Variants in KIAA1549 observed in about 807,000 individuals in gnomAD.
KIAA1549 encodes the protein UPF0606 protein KIAA1549.
Under a neutral mutation model 156.4 loss-of-function variants are expected in KIAA1549, and 70 were observed. The observed-to-expected ratio is 0.45, with a 90% CI of 0.37 to 0.55. The LOEUF (loss-of-function observed/expected upper bound fraction) is 0.55, where lower values mean the gene tolerates loss of function less well. Among genes scored for constraint, KIAA1549 ranks in the 20% least tolerant of loss-of-function variants. The pLI is 0.00. For synonymous variants in KIAA1549, 1,103 were observed against 1,066.4 expected, an observed-to-expected ratio of 1.03 and a Z score of -0.67; for missense variants, 2,428 against 2,540.9, an observed-to-expected ratio of 0.96 and a Z score of 0.96.
chr7:138,892,696 TG>T (rs1811576506), intron 10 of KIAA1549, among the ~76,000 whole-genome samples: 1 of 152,240 alleles, frequency 6.6e-6, no homozygotes, highest in Admixed American at 6.5e-5. Context: ...TTAATTCATA[TG>T]AAAAGACAAA....
In KIAA1549 at chr7:138,852,256, T is replaced by C. The variant is rs199604464; in HGVS notation, c.5261A>G (p.Tyr1754Cys). 259 of 1,608,946 alleles carry C rather than the reference T, an allele frequency of 1.6e-4. 2 individuals are homozygous for C. The African/African-American group carries it at 3.1e-3, about 20-fold the overall frequency. Residue 1754 changes from tyrosine (Y) to cysteine (C), a missense_variant, in exon 17 of 20, where the codon TAT becomes TGT. Tyr to Cys is a radical substitution (Grantham distance 194). Around this residue, in one of 5 missense-constraint regions of KIAA1549, gnomAD observed 363 missense variants for 354.0 expected, o/e 1.03. Coordinates refer to ENST00000422774, the MANE Select transcript of KIAA1549 (RefSeq NM_001164665.2). ...ANNPCSRYEDYGMTPPTGPLP... is the reference protein window; with the variant it reads ...ANNPCSRYEDCGMTPPTGPLP... ...TGGACCCGTCGGGGGAGTCATTCCA[T>C]AGTCTTCGTATCTCTGGAAGACATA... is the stretch of plus-strand genomic sequence containing the variant.
rs771763355 is a variant in KIAA1549 at position 138,917,034 on chromosome 7, G to A, written c.2592C>T (p.Thr864=). 23 of 1,606,416 alleles carry A rather than the reference G, an allele frequency of 1.4e-5. No homozygotes were observed. Among genetic ancestry groups the A allele is most frequent in the African/African-American group, 8.0e-5 (6 of 74,786 alleles). The change falls in exon 2 of 20, where the codon ACC becomes ACT. Residue 864 remains threonine (T), a synonymous_variant. Transcript: ENST00000422774. ...ATPFPLPTEL[T]VVGPSLTPTE... is the part of the protein sequence containing the mutation. ...TGGGTGTGAGTGATGGGCCCACGACGGTCAGCTCTGTGGGCAGAGGGAAGG... is the reference window on the plus strand; with the variant it reads ...TGGGTGTGAGTGATGGGCCCACGACAGTCAGCTCTGTGGGCAGAGGGAAGG...
intron 1 of KIAA1549, among the ~76,000 whole-genome samples, chr7:138,926,436 C>T (rs886217824): frequency 2.0e-5 from 3 of 152,182 alleles, no homozygotes; most frequent in Admixed American, 6.5e-5. Context: ...AGGCGCCCAC[C>T]ACCACACCAA....
Position 138,918,834 on chromosome 7 carries a change from C to T in KIAA1549, c.792G>A (p.Arg264=), listed in dbSNP as rs771354824. The part of the protein sequence containing the change: ...PTDAYSHLSS[R]TLPEIVASLT... ...GGGAAGCCACAATCTCTGGCAGAGT[C>T]CTGCTTGATAAATGACTGTAAGCAT... Residue 264 remains arginine, a synonymous_variant, in exon 2 of 20, where the codon AGG becomes AGA. Transcript: ENST00000422774. The surrounding 1 kb of genome is among the most constrained non-coding windows in gnomAD (Gnocchi z 4.2). The T allele has an allele frequency of 6.2e-7, 1 of 1,614,002 alleles. No individual in the cohort carries two copies. Among genetic ancestry groups the T allele is most frequent in the South Asian group, 1.1e-5 (1 of 91,072 alleles).
At chr7:138,950,242 C>A (rs1030218206) in intron 1 of KIAA1549, among the ~76,000 whole-genome samples, 1 of 152,134 alleles carries the variant, frequency 6.6e-6, no homozygotes, top group Admixed American at 6.5e-5. Context: ...TACATTAGAT[C>A]TTTTATTATA....
rs1487562325 is a variant in KIAA1549 at position 138,879,538 on chromosome 7, C to T, written c.4345G>A (p.Gly1449Arg). ...GGGAAGAACCAGAAGAGTCACAGAC[C>T]GCTCTGCGGAGCTCTGTGGGACCTG... The part of the protein sequence containing the change: ...DGRSHRAPQS[G>R]PPLPSSGNEQ... The change falls in exon 12 of 20, where the codon GGG (glycine) becomes AGG (arginine). Residue 1449 changes from glycine (G) to arginine (R), a missense_variant and splice_region_variant. By Grantham distance (125) the Gly-to-Arg change is moderately radical. Transcript: ENST00000422774. 3 of 1,550,986 alleles carry T rather than the reference C, an allele frequency of 1.9e-6. No homozygotes were observed. Among genetic ancestry groups the T allele is most frequent in the Non-Finnish European group, 2.6e-6 (3 of 1,144,842 alleles).
rs556935927 is a variant in KIAA1549, at chr7:138,868,724, C to T, written c.4776-596G>A. 3.3e-5 allele frequency among the ~76,000 whole-genome samples: 5 copies of T among 152,346 alleles called. No individual in the cohort carries two copies. The East Asian group carries it at 5.8e-4, about 18-fold the overall frequency. ...CTGGAATTATAGGCGTGAGCCACCA[C>T]GCCTGGCCCAGAACTAGGTCTTGAA... On this transcript the variant is annotated intron_variant, in intron 14 of 19. Coordinates refer to ENST00000422774, the MANE Select transcript of KIAA1549 (RefSeq NM_001164665.2).
chr7:138,928,105 T>G (rs778351953), intron 1 of KIAA1549, among the ~76,000 whole-genome samples: 19 of 150,676 alleles, frequency 1.3e-4, no homozygotes, highest in Non-Finnish European at 2.2e-4. Context: ...GTATTTTTAG[T>G]GGAGACGGGG....
chr7:138,881,240 C>T (rs1018804241), intron 11 of KIAA1549, 148 bp downstream of exon 11: 3 of 701,136 alleles, frequency 4.3e-6, no homozygotes, highest in Non-Finnish European at 2.3e-6. Context: ...CTCTTGGGCT[C>T]CTGTGTGACT....
chr7:138,942,619 G>A (rs1813216533), intron 1 of KIAA1549, among the ~76,000 whole-genome samples: 1 of 151,954 alleles, frequency 6.6e-6, no homozygotes, highest in African/African-American at 2.4e-5. Flanking sequence ...ACCCGCAAAA[G>A]TAAGTTGGAG....
At chr7:138,870,708 A>G (rs1275960128) in intron 13 of KIAA1549, among the ~76,000 whole-genome samples, 1 of 152,216 alleles carries the variant, frequency 6.6e-6, no homozygotes, top group Non-Finnish European at 1.5e-5. Flanking sequence ...AACAAGCGTG[A>G]TGTTTTACAT....
intron 2 of KIAA1549, among the ~76,000 whole-genome samples, chr7:138,915,794 G>A (rs551640464): frequency 6.6e-6 from 1 of 152,346 alleles, no homozygotes; most frequent in African/African-American, 2.4e-5. Flanking sequence ...CCACCAGGCT[G>A]TGGTTCAGCA....
rs1335147383 is a variant in KIAA1549 at position 138,871,039 on chromosome 7, A to C, written c.4551+118T>G. On this transcript the variant is annotated intron_variant, in intron 13 of 19. Coordinates refer to ENST00000422774, the MANE Select transcript of KIAA1549 (RefSeq NM_001164665.2). Reference sequence around the variant, plus strand: ...ACCATGTTGGCCAGGCTGGTCTCAAACTCCCGACCTCAGGCGATCTGCCTG... The same window carrying C: ...ACCATGTTGGCCAGGCTGGTCTCAACCTCCCGACCTCAGGCGATCTGCCTG... The C allele has an allele frequency of 2.4e-5, 22 of 907,392 alleles. No homozygotes were observed. The East Asian group carries it at 5.6e-4, about 23-fold the overall frequency. The allele number at this position is 907,392 out of a possible 1,614,324, so 56.2% of individuals were successfully genotyped here.
chr7:138,947,388 G>A (rs1305544287), intron 1 of KIAA1549, among the ~76,000 whole-genome samples: 2 of 152,020 alleles, frequency 1.3e-5, no homozygotes, highest in African/African-American at 2.4e-5. Flanking sequence ...ACCCGAAAAC[G>A]CTGAATGTTA....
intron 8 of KIAA1549, among the ~76,000 whole-genome samples, chr7:138,900,309 G>C (rs779893514): frequency 5.9e-5 from 9 of 152,164 alleles, no homozygotes; most frequent in Non-Finnish European, 1.0e-4. Context: ...GCTTCGTCCT[G>C]AGAACTCCCT....
At chr7:138,915,369 G>C (rs1162005908) in intron 2 of KIAA1549, among the ~76,000 whole-genome samples, 1 of 152,046 alleles carries the variant, frequency 6.6e-6, no homozygotes, top group East Asian at 1.9e-4. Flanking sequence ...ATCCCTAGAA[G>C]CTTCCAGAAG....
At chr7:138,915,861 A>C (rs1195822615) in intron 2 of KIAA1549, among the ~76,000 whole-genome samples, 1 of 152,194 alleles carries the variant, frequency 6.6e-6, no homozygotes, top group East Asian at 1.9e-4. Context: ...GGAAAAATGC[A>C]GAGACCCTGA....
chr7:138,857,022 C>A (rs1036982525), intron 16 of KIAA1549, among the ~76,000 whole-genome samples: 2 of 152,186 alleles, frequency 1.3e-5, no homozygotes, highest in Admixed American at 1.3e-4. Flanking sequence ...CTTCTCCCAT[C>A]CTTGAAGCAC....
At chr7:138,842,576 A>G (rs1809954047) in intron 18 of KIAA1549, among the ~76,000 whole-genome samples, 1 of 151,998 alleles carries the variant, frequency 6.6e-6, no homozygotes, top group Non-Finnish European at 1.5e-5. Flanking sequence ...AATCCTAATC[A>G]TAGCTACTTG....
Sources: allele counts gnomAD v4.1 joint callset (sites outside exome capture counted in the v4.1 genomes callset), GRCh38; gene constraint gnomAD v4.1.1; regional missense constraint gnomAD v4.1.1; non-coding constraint Gnocchi (gnomAD v3.1); transcripts MANE v1.5; gene names NCBI Gene and HGNC (gene_info 2026-07-23, HGNC 2026-07-21).